The following STON2 variants were observed in gnomAD, a reference collection of about 807,000 sequenced individuals.
The protein encoded by STON2 is stonin 2.
STON2 carries 29 observed loss-of-function variants against 65.7 expected under a neutral mutation model. That is an observed-to-expected ratio of 0.44 (90% CI 0.33 to 0.60). STON2 has a LOEUF of 0.60. Ranked by LOEUF, STON2 falls within the 20% of genes least tolerant of loss-of-function variation. The pLI, the probability that STON2 is intolerant of heterozygous loss-of-function variation, is 0.03. For missense variants in STON2, 1,054 were observed against 1,118.1 expected, an observed-to-expected ratio of 0.94 and a Z score of 0.82; for synonymous variants, 404 against 414.2, an observed-to-expected ratio of 0.98 and a Z score of 0.30.
chr14:81,427,377 C>A (rs1197831536), intron 1 of STON2: 1 of 152,232 alleles, frequency 6.6e-6, no homozygotes, highest in East Asian at 1.9e-4. Flanking sequence ...CCCCTGGGCC[C>A]AGGAGCACTG....
chr14:81,329,269 C>T (rs1438829260), intron 4 of STON2, among the ~76,000 whole-genome samples: 1 of 151,956 alleles, frequency 6.6e-6, no homozygotes, highest in African/African-American at 2.4e-5. Flanking sequence ...CTGGCTGACA[C>T]AGTGAAACCC....
intron 4 of STON2, among the ~76,000 whole-genome samples, chr14:81,365,180 C>T (rs1898665884): frequency 6.6e-6 from 1 of 152,138 alleles, no homozygotes; most frequent in Non-Finnish European, 1.5e-5. Flanking sequence ...GTCCAGTCTC[C>T]CGCCACTGGA....
At chr14:81,311,297 T>TTGCTCTGCTC (rs367860160) in intron 5 of STON2, among the ~76,000 whole-genome samples, 4 of 152,126 alleles carry the variant, frequency 2.6e-5, no homozygotes, top group African/African-American at 9.7e-5. Flanking sequence ...CATCTCTGCT[T>TTGCTCTGCTC]TGCTCTGCTC....
chr14:81,355,859 T>G (rs891960966), intron 4 of STON2, among the ~76,000 whole-genome samples: 7 of 152,180 alleles, frequency 4.6e-5, no homozygotes, highest in Non-Finnish European at 7.4e-5. Flanking sequence ...ATTGATTTTG[T>G]ATCCTGAGAC....
chr14:81,424,358 C>A (rs925378303), intron 2 of STON2, among the ~76,000 whole-genome samples: 1 of 152,034 alleles, frequency 6.6e-6, no homozygotes, highest in Non-Finnish European at 1.5e-5. Flanking sequence ...GCAAGAGAAT[C>A]GCTTGAACAC....
At chr14:81,301,206 T>C (rs2140183244) in intron 5 of STON2, among the ~76,000 whole-genome samples, 1 of 152,280 alleles carries the variant, frequency 6.6e-6, no homozygotes, top group East Asian at 1.9e-4. Flanking sequence ...AAGATTATAT[T>C]CTCTCATTCA....
Position 81,266,285 on chromosome 14 carries a change from CTCT to C in STON2, c.*2126_*2128del. The C allele has an allele frequency of 5.7e-6, 1 of 176,792 alleles. No homozygotes were observed. The highest frequency in any genetic ancestry group is 1.1e-5 in the Non-Finnish European group (1 of 90,462). The allele number at this position is 176,792 out of a possible 1,614,324, so 11.0% of individuals were successfully genotyped here. On this transcript the variant is annotated 3_prime_UTR_variant, in exon 8 of 8. Transcript: ENST00000614646. ...TTGAGTCTATTCCTCTTTAGAACAACTCTTATTAGACAATTCTTCCTTATATTG... is the reference window on the plus strand; with the variant it reads ...TTGAGTCTATTCCTCTTTAGAACAACTATTAGACAATTCTTCCTTATATTG...
intron 4 of STON2, among the ~76,000 whole-genome samples, chr14:81,338,858 C>T (rs951541796): frequency 6.6e-6 from 1 of 152,164 alleles, no homozygotes; most frequent in African/African-American, 2.4e-5. Context: ...TCTTTTCGAT[C>T]CTCAATGGGA....
At chr14:81,408,937 A>C (rs997266346) in intron 2 of STON2, among the ~76,000 whole-genome samples, 3 of 152,166 alleles carry the variant, frequency 2.0e-5, no homozygotes, top group African/African-American at 7.2e-5. Context: ...GACTTACTCC[A>C]TCTTGGTACA....
intron 5 of STON2, among the ~76,000 whole-genome samples, chr14:81,293,462 A>AG (rs1895642764): frequency 1.3e-5 from 2 of 151,804 alleles, no homozygotes; most frequent in South Asian, 4.1e-4. Flanking sequence ...GTGAGTCACC[A>AG]CACTCGACTG....
chr14:81,280,284 G>T (rs1371104468), intron 5 of STON2, among the ~76,000 whole-genome samples: 1 of 152,196 alleles, frequency 6.6e-6, no homozygotes, highest in Admixed American at 6.5e-5. Context: ...TGTGGGAAGG[G>T]AGGGGAAATG....
At chr14:81,356,408 G>GCCAGTAT (rs1388915431) in intron 4 of STON2, among the ~76,000 whole-genome samples, 1 of 152,140 alleles carries the variant, frequency 6.6e-6, no homozygotes, top group Non-Finnish European at 1.5e-5. Flanking sequence ...GATTCGGTTT[G>GCCAGTAT]CCAGTATTTT....
At chr14:81,424,859 T>C (rs1364389544) in intron 2 of STON2, among the ~76,000 whole-genome samples, 1 of 152,262 alleles carries the variant, frequency 6.6e-6, no homozygotes, top group African/African-American at 2.4e-5. Context: ...TTAATGTTTC[T>C]GCTTTGTTGT....
chr14:81,273,220 C>T (rs566424444), intron 6 of STON2, among the ~76,000 whole-genome samples: 2 of 152,304 alleles, frequency 1.3e-5, no homozygotes, highest in Non-Finnish European at 2.9e-5. Flanking sequence ...ATTCTAGCAT[C>T]GACTCTCAGA....
intron 5 of STON2, among the ~76,000 whole-genome samples, chr14:81,279,417 A>G (rs141484264): frequency 0.01 from 1,538 of 152,318 alleles, 30 homozygotes; most frequent in African/African-American, 0.036. Flanking sequence ...ATGGCCGGGC[A>G]CAGTGGCTCA....
At chr14:81,345,736 G>T (rs943158709) in intron 4 of STON2, among the ~76,000 whole-genome samples, 2 of 152,090 alleles carry the variant, frequency 1.3e-5, no homozygotes, top group Non-Finnish European at 2.9e-5. Flanking sequence ...ACTCTAGCCT[G>T]GGCGACAGAG....
At position 81,396,145 on chromosome 14, in the gene STON2, G is replaced by A. The variant is rs1310513302; in HGVS notation, c.122C>T (p.Ser41Phe). Residue 41 changes from serine to phenylalanine, a missense_variant, in exon 3 of 8, where the codon TCT (serine) becomes TTT (phenylalanine). Ser to Phe is a radical substitution (Grantham distance 155). Coordinates refer to ENST00000614646, the MANE Select transcript of STON2 (RefSeq NM_001394390.1). Reference protein sequence around the residue: ...GTEEHLPGLSSSPDQSESSSG... With the variant: ...GTEEHLPGLSFSPDQSESSSG... Reference sequence around the variant, plus strand: ...GGAGCTCTCGGACTGGTCTGGGGAAGATGACAGTCCTGGGAGGTGCTCTTC... The same window carrying A: ...GGAGCTCTCGGACTGGTCTGGGGAAAATGACAGTCCTGGGAGGTGCTCTTC... The A allele has an allele frequency of 3.1e-6, 5 of 1,613,702 alleles. No homozygotes were observed. In the South Asian group the frequency reaches 3.3e-5, roughly 11 times the overall value.
chr14:81,376,269 G>A (rs763684165), intron 3 of STON2, among the ~76,000 whole-genome samples: 8 of 151,784 alleles, frequency 5.3e-5, no homozygotes, highest in Non-Finnish European at 8.8e-5. Flanking sequence ...TAAAAAGAGT[G>A]CAAATAACAG....
At chr14:81,380,976 A>G (rs1899485696) in intron 3 of STON2, among the ~76,000 whole-genome samples, 1 of 152,144 alleles carries the variant, frequency 6.6e-6, no homozygotes, top group Non-Finnish European at 1.5e-5. Flanking sequence ...ATCTAAAATA[A>G]ATGTTGGAAA....
Sources: gnomAD v4.1 joint callset for allele counts (sites outside exome capture counted in the v4.1 genomes callset) on GRCh38, gnomAD v4.1.1 for gene constraint, MANE v1.5 for transcripts, NCBI Gene and HGNC (gene_info 2026-07-23, HGNC 2026-07-21) for gene names.